PTPRE: variants seen among roughly 807,000 people sequenced by gnomAD.
PTPRE encodes receptor-type tyrosine-protein phosphatase epsilon.
PTPRE carries 51 observed loss-of-function variants against 102.0 expected under a neutral mutation model. The ratio of observed to expected loss-of-function variants is 0.50; its 90% CI spans 0.40 to 0.63. The LOEUF (loss-of-function observed/expected upper bound fraction) is 0.63, where lower values mean the gene tolerates loss of function less well. Ranked by LOEUF, PTPRE falls within the 30% of genes least tolerant of loss-of-function variation. PTPRE has a pLI of 0.00. For synonymous variants in PTPRE, 345 were observed against 348.2 expected, an observed-to-expected ratio of 0.99 and a Z score of 0.10; for missense variants, 752 against 915.1, an observed-to-expected ratio of 0.82 and a Z score of 2.30.
intron 2 of PTPRE, among the ~76,000 whole-genome samples, chr10:128,003,448 A>G (rs980039815): frequency 1.3e-5 from 2 of 152,000 alleles, no homozygotes; most frequent in African/African-American, 4.8e-5. Flanking sequence ...ATGCTGTCTA[A>G]CTCTTACTTT....
Position 128,082,955 on chromosome 10 carries a change from T to TA in PTPRE, c.*54dup, listed in dbSNP as rs1851851602. Reference sequence around the variant, plus strand: ...TTAATTTAATGGTCAGTATATTTTGTAAAAATCATGTTAATTTATTTCATA... The same window carrying TA: ...TTAATTTAATGGTCAGTATATTTTGTAAAAAATCATGTTAATTTATTTCATA... On this transcript the variant is annotated 3_prime_UTR_variant, in exon 21 of 21. Transcript: ENST00000254667. The TA allele has an allele frequency of 7.0e-7, 1 of 1,435,354 alleles. No homozygotes were observed. The highest frequency in any genetic ancestry group is 1.5e-5 in the African/African-American group (1 of 67,320). 88.9% of individuals were successfully genotyped at this position (1,435,354 alleles called of 1,614,324 possible). A position where few individuals can be genotyped will look rare whatever the true frequency, so the allele number is the denominator to read the frequency against.
At chr10:127,960,219 C>T (rs760666415) in intron 1 of PTPRE, among the ~76,000 whole-genome samples, 8 of 152,136 alleles carry the variant, frequency 5.3e-5, no homozygotes, top group Non-Finnish European at 8.8e-5. Flanking sequence ...CACTGAAGGA[C>T]GAGGCTGGCT....
chr10:127,962,465 G>T (rs537280972), intron 1 of PTPRE, among the ~76,000 whole-genome samples: 4 of 152,196 alleles, frequency 2.6e-5, no homozygotes, highest in Non-Finnish European at 4.4e-5. Flanking sequence ...CAGCTGCTCC[G>T]CTGGACACAG....
chr10:127,948,197 G>T (rs1848760524), intron 1 of PTPRE, among the ~76,000 whole-genome samples: 1 of 152,082 alleles, frequency 6.6e-6, no homozygotes, highest in African/African-American at 2.4e-5. Flanking sequence ...CTGAGCTTGG[G>T]GATGTGCACA....
At chr10:127,941,039 G>T (rs1848208516) in intron 1 of PTPRE, among the ~76,000 whole-genome samples, 1 of 152,220 alleles carries the variant, frequency 6.6e-6, no homozygotes, top group African/African-American at 2.4e-5. Context: ...AGCTGGCAGG[G>T]CAGGGTCTTG....
intron 2 of PTPRE, chr10:127,999,583 T>C (rs2135547508): frequency 2.0e-6 from 2 of 985,490 alleles, no homozygotes; most frequent in South Asian, 9.4e-5. Flanking sequence ...GCACGCAGGT[T>C]GCACTGTTCT....
At chr10:127,931,238 C>G (rs1003525508) in intron 1 of PTPRE, among the ~76,000 whole-genome samples, 32 of 152,168 alleles carry the variant, frequency 2.1e-4, no homozygotes, top group African/African-American at 7.2e-4. Flanking sequence ...TGTTTATCTC[C>G]TTTAATAGTA....
Position 127,966,189 on chromosome 10 carries a change from G to C in PTPRE, c.-30-16085G>C, listed in dbSNP as rs1850237368. ...TCAAAGAGGTCCTATGCTGCATCTG[G>C]GGTCAGTGTGGTTTTCTGCCTCTGG... On this transcript the variant is annotated intron_variant, in intron 1 of 20. Coordinates refer to ENST00000254667, the MANE Select transcript of PTPRE (RefSeq NM_006504.6). Among the ~76,000 whole-genome samples the C allele has an allele frequency of 3.9e-5, 6 of 152,280 alleles. No homozygotes were observed. The South Asian group carries it at 1.2e-3, about 32-fold the overall frequency.
At chr10:127,915,526 A>C (rs2066715268) in intron 1 of PTPRE, among the ~76,000 whole-genome samples, 1 of 152,208 alleles carries the variant, frequency 6.6e-6, no homozygotes. Flanking sequence ...AACATCAGCT[A>C]AAGTTCAGTC....
intron 7 of PTPRE, among the ~76,000 whole-genome samples, chr10:128,060,646 T>C (rs1849505148): frequency 6.6e-6 from 1 of 152,186 alleles, no homozygotes; most frequent in Non-Finnish European, 1.5e-5. Context: ...TCTTGCTATG[T>C]AATGACCCAG....
At chr10:128,067,897 A>T (rs1206054994) in intron 11 of PTPRE, among the ~76,000 whole-genome samples, 1 of 152,176 alleles carries the variant, frequency 6.6e-6, no homozygotes, top group Non-Finnish European at 1.5e-5. Context: ...ACCTGGGCAT[A>T]GACGGTTGCT....
rs1043886684 is a variant in PTPRE, at chr10:128,070,798, T to A, written c.1294-10T>A. The A allele has an allele frequency of 1.9e-6, 3 of 1,611,218 alleles. No homozygotes were observed. The highest frequency in any genetic ancestry group is 1.7e-6 in the Non-Finnish European group (2 of 1,177,342). On this transcript the variant is annotated splice_polypyrimidine_tract_variant and intron_variant, in intron 14 of 20. Coordinates refer to ENST00000254667, the MANE Select transcript of PTPRE (RefSeq NM_006504.6). This position sits in a 1 kb window ranked among gnomAD's most constrained non-coding sequence, Gnocchi z 4.8. ...GTTTAACTGTGTCATTATATCCTTC[T>A]CTGCTGCAGAAATTGACAAATGTCC...
chr10:127,977,569 G>A (rs772342971), intron 1 of PTPRE, among the ~76,000 whole-genome samples: 6 of 152,212 alleles, frequency 3.9e-5, no homozygotes, highest in Non-Finnish European at 7.3e-5. Context: ...TCCGAGTTTG[G>A]AAAGATTGGC....
At chr10:128,032,096 ACCTCCGCCT>A (rs1846808153) in intron 2 of PTPRE, among the ~76,000 whole-genome samples, 1 of 151,880 alleles carries the variant, frequency 6.6e-6, no homozygotes, top group Non-Finnish European at 1.5e-5. Flanking sequence ...GCTCACTGCA[ACCTCCGCCT>A]CCTGGGTTCA....
At chr10:127,952,326 G>A (rs1405382746) in intron 1 of PTPRE, among the ~76,000 whole-genome samples, 1 of 125,922 alleles carries the variant, frequency 7.9e-6, no homozygotes, top group Non-Finnish European at 1.7e-5. Context: ...TACTTGTTGT[G>A]CCCACCCCGC....
At chr10:127,941,537 T>G (rs574051014) in intron 1 of PTPRE, among the ~76,000 whole-genome samples, 1 of 152,258 alleles carries the variant, frequency 6.6e-6, no homozygotes, top group African/African-American at 2.4e-5. Context: ...CAAGAGAAGC[T>G]GAGCACCTAG....
chr10:128,028,613 C>T lies in PTPRE; in HGVS notation c.-7-12262C>T, dbSNP rs1846457093. On this transcript the variant is annotated intron_variant, in intron 2 of 20. Coordinates refer to ENST00000254667, the MANE Select transcript of PTPRE (RefSeq NM_006504.6). The surrounding 1 kb of genome is among the most constrained non-coding windows in gnomAD (Gnocchi z 4.5). ...TCAGCGCCCAGCAGAAGCGGCAGCC[C>T]CATCTGTCCCCGAGACCCCACCCCC... 6.6e-6 allele frequency among the ~76,000 whole-genome samples: 1 copy of T among 152,142 alleles called. No individual in the cohort carries two copies. The highest frequency in any genetic ancestry group is 1.5e-5 in the Non-Finnish European group (1 of 68,034).
chr10:128,074,077 C>A (rs977606864), intron 17 of PTPRE, among the ~76,000 whole-genome samples: 10 of 152,200 alleles, frequency 6.6e-5, no homozygotes, highest in Non-Finnish European at 4.4e-5. Context: ...CATTAACAGT[C>A]ACTCCCCATT....
chr10:127,941,406 A>C (rs897933763), intron 1 of PTPRE, among the ~76,000 whole-genome samples: 1 of 152,198 alleles, frequency 6.6e-6, no homozygotes, highest in Non-Finnish European at 1.5e-5. Flanking sequence ...GTGTCATCAT[A>C]CATGAGCCAG....
Sources: gnomAD v4.1 joint callset for allele counts (sites outside exome capture counted in the v4.1 genomes callset) on GRCh38, gnomAD v4.1.1 for gene constraint, Gnocchi (gnomAD v3.1) non-coding constraint, MANE v1.5 for transcripts, NCBI Gene and HGNC (gene_info 2026-07-23, HGNC 2026-07-21) for gene names.